ANKRD33B: variants seen among roughly 807,000 people sequenced by gnomAD.
The protein encoded by ANKRD33B is ankyrin repeat domain 33B.
Under a neutral mutation model 21.5 loss-of-function variants are expected in ANKRD33B, and 6 were observed. The observed-to-expected ratio is 0.28, with a 90% CI of 0.15 to 0.55. ANKRD33B has a LOEUF of 0.55. ANKRD33B is among the 20% of genes least tolerant of loss of function. The pLI, the probability that ANKRD33B is intolerant of heterozygous loss-of-function variation, is 0.94. For missense variants in ANKRD33B, 698 were observed against 747.2 expected (o/e 0.93, Z 0.77); for synonymous variants, 347 against 342.4 (o/e 1.01, Z -0.15).
chr5:10,582,089 C>G (rs1349073159), intron 1 of ANKRD33B, among the ~76,000 whole-genome samples: 1 of 152,204 alleles, frequency 6.6e-6, no homozygotes, highest in Non-Finnish European at 1.5e-5. Flanking sequence ...GTTCCTCTTG[C>G]CAGTCTTCCC....
In ANKRD33B at chr5:10,624,629, A is replaced by G. The variant is rs978842708; in HGVS notation, c.496+6167A>G. The G allele has an allele frequency of 7.3e-6, 3 of 409,834 alleles. No homozygotes were observed. The Admixed American group carries it at 8.3e-5, about 11-fold the overall frequency. 25.4% of individuals were successfully genotyped at this position (409,834 alleles called of 1,614,324 possible). On this transcript the variant is annotated intron_variant, in intron 2 of 3. Coordinates refer to ENST00000296657, the MANE Select transcript of ANKRD33B (RefSeq NM_001164440.2). ...GCAGAGGGGAGAGGGACTTTACACC[A>G]TTTAAACAAACACAGATTAAAAAGC... is the stretch of plus-strand genomic sequence containing the variant.
chr5:10,593,390 C>T (rs1735740502), intron 1 of ANKRD33B, among the ~76,000 whole-genome samples: 1 of 152,174 alleles, frequency 6.6e-6, no homozygotes, highest in Admixed American at 6.5e-5. Context: ...ACCCCATCTG[C>T]AATGACAGAA....
rs1390953651 is a variant in ANKRD33B at position 10,619,599 on chromosome 5, T to A, written c.496+1137T>A. Among the ~76,000 whole-genome samples the A allele has an allele frequency of 6.6e-6, 1 of 152,134 alleles. No homozygotes were observed. Among genetic ancestry groups the A allele is most frequent in the African/African-American group, 2.4e-5 (1 of 41,400 alleles). On this transcript the variant is annotated intron_variant, in intron 2 of 3. Transcript: ENST00000296657. The surrounding 1 kb of genome is among the most constrained non-coding windows in gnomAD (Gnocchi z 4.5). ...ATCAAGACGAATAGAGTGGGGGAAC[T>A]CTTCAAACTTAGAAAGGGCCAGGGG...
chr5:10,585,144 C>G (rs545291225), intron 1 of ANKRD33B, among the ~76,000 whole-genome samples: 1 of 152,314 alleles, frequency 6.6e-6, no homozygotes. Context: ...AGGAAGAAGA[C>G]CCAACTCCAG....
Position 10,650,941 on chromosome 5 carries a change from C to A in ANKRD33B, c.*828C>A, listed in dbSNP as rs975329710. 1.9e-4 allele frequency: 29 copies of A among 152,412 alleles called. No individual in the cohort carries two copies. Among genetic ancestry groups the A allele is most frequent in the African/African-American group, 6.7e-4 (28 of 41,566 alleles). 9.4% of individuals were successfully genotyped at this position (152,412 alleles called of 1,614,324 possible). A position where few individuals can be genotyped will look rare whatever the true frequency, so the allele number is the denominator to read the frequency against. On this transcript the variant is annotated 3_prime_UTR_variant, in exon 4 of 4. Coordinates refer to ENST00000296657, the MANE Select transcript of ANKRD33B (RefSeq NM_001164440.2). ...ATTAAAAATAGATATGAGAAAAAAA[C>A]TGTCATTCGATAAAATGAGGCAAAT...
chr5:10,603,260 T>TA (rs201962106), intron 1 of ANKRD33B, among the ~76,000 whole-genome samples: 4 of 151,510 alleles, frequency 2.6e-5, no homozygotes, highest in South Asian at 2.1e-4. Flanking sequence ...TTTTCATCCT[T>TA]AAAAAAAATT....
chr5:10,649,247 T>G lies in ANKRD33B; in HGVS notation c.638-19T>G. On this transcript the variant is annotated intron_variant, in intron 3 of 3. Coordinates refer to ENST00000296657, the MANE Select transcript of ANKRD33B (RefSeq NM_001164440.2). ...CTTGTTGCCGCCACCCACTTCTGTT[T>G]GTGTTTTGCGTTTTGCAGGGGCGGA... 6.6e-7 allele frequency: 1 copy of G among 1,506,574 alleles called. No homozygotes were observed. Among genetic ancestry groups the G allele is most frequent in the Non-Finnish European group, 8.9e-7 (1 of 1,127,258 alleles). 93.3% of individuals were successfully genotyped at this position (1,506,574 alleles called of 1,614,324 possible).
In ANKRD33B at chr5:10,564,299, C is replaced by CT. The variant is rs1458719905; in HGVS notation, c.-163dup. ...CAGGGGCTCGCTCAGCCTCCGGAGA[C>CT]TTTTTTCTTTGAGCGCAGCCGCCTG... On this transcript the variant is annotated 5_prime_UTR_variant, in exon 1 of 4. Coordinates refer to ENST00000296657, the MANE Select transcript of ANKRD33B (RefSeq NM_001164440.2). 2 of 339,240 alleles carry CT rather than the reference C, an allele frequency of 5.9e-6. No individual in the cohort carries two copies. Among genetic ancestry groups the CT allele is most frequent in the African/African-American group, 4.5e-5 (2 of 44,844 alleles). The allele number at this position is 339,240 out of a possible 1,614,324, so 21.0% of individuals were successfully genotyped here.
chr5:10,636,028 G>A (rs1036734834), intron 2 of ANKRD33B, among the ~76,000 whole-genome samples: 5 of 152,190 alleles, frequency 3.3e-5, no homozygotes, highest in African/African-American at 4.8e-5. Flanking sequence ...ATGCCTGCCC[G>A]ACCCCAGAGT....
At chr5:10,598,177 C>A (rs184108347) in intron 1 of ANKRD33B, among the ~76,000 whole-genome samples, 72 of 152,292 alleles carry the variant, frequency 4.7e-4, no homozygotes, top group Admixed American at 1.4e-3. Context: ...CCTAGTGACT[C>A]CTAGGAGACT....
At chr5:10,607,097 C>T (rs1736061852) in intron 1 of ANKRD33B, among the ~76,000 whole-genome samples, 1 of 152,090 alleles carries the variant, frequency 6.6e-6, no homozygotes, top group Non-Finnish European at 1.5e-5. Flanking sequence ...AAGGACAGTT[C>T]TTCCCAAGGG....
intron 1 of ANKRD33B, among the ~76,000 whole-genome samples, chr5:10,568,071 A>G (rs1735098203): frequency 6.6e-6 from 1 of 152,162 alleles, no homozygotes; most frequent in African/African-American, 2.4e-5. Context: ...TAAGGGTCAG[A>G]TGTGTTTTGT....
intron 1 of ANKRD33B, among the ~76,000 whole-genome samples, chr5:10,597,706 T>A (rs1401656108): frequency 1.3e-5 from 2 of 152,106 alleles, no homozygotes; most frequent in African/African-American, 4.8e-5. Flanking sequence ...TCTCCAGGAC[T>A]CTCCACCCTA....
chr5:10,588,222 G>T (rs1735610408), intron 1 of ANKRD33B, among the ~76,000 whole-genome samples: 1 of 152,156 alleles, frequency 6.6e-6, no homozygotes, highest in Admixed American at 6.5e-5. Context: ...ATGTATTTGA[G>T]GTATAACTTT....
chr5:10,627,089 C>T (rs996935729), intron 2 of ANKRD33B, among the ~76,000 whole-genome samples: 3 of 152,118 alleles, frequency 2.0e-5, no homozygotes, highest in Non-Finnish European at 4.4e-5. Flanking sequence ...CTATTTAATG[C>T]ACAATAAAAA....
intron 1 of ANKRD33B, among the ~76,000 whole-genome samples, chr5:10,582,011 C>G (rs1735454088): frequency 6.6e-6 from 1 of 152,238 alleles, no homozygotes; most frequent in Non-Finnish European, 1.5e-5. Context: ...GCTCACGCAG[C>G]TGGTGCCAGC....
chr5:10,591,808 AT>A (rs1448072069), intron 1 of ANKRD33B, among the ~76,000 whole-genome samples: 1 of 97,036 alleles, frequency 1.0e-5, no homozygotes, highest in Non-Finnish European at 2.5e-5. Flanking sequence ...TCAATATAAT[AT>A]TTCTGTTTAA....
In ANKRD33B at chr5:10,653,778, T is replaced by A. The variant is rs531646126; in HGVS notation, c.*3665T>A. On this transcript the variant is annotated 3_prime_UTR_variant, in exon 4 of 4. Transcript: ENST00000296657. ...TAGTCAGGGGTCTCACAGTGGCCTC[T>A]CCAAAAGCCTGGTGTCCTTGGAGAA... The A allele has an allele frequency of 7.2e-5, 11 of 152,578 alleles. No individual in the cohort carries two copies. In the East Asian group the frequency reaches 1.5e-3, roughly 21 times the overall value. The allele number at this position is 152,578 out of a possible 1,614,324, so 9.5% of individuals were successfully genotyped here. A position where few individuals can be genotyped will look rare whatever the true frequency, so the allele number is the denominator to read the frequency against.
At chr5:10,635,925 G>A (rs760522071) in intron 2 of ANKRD33B, among the ~76,000 whole-genome samples, 16 of 152,262 alleles carry the variant, frequency 1.1e-4, no homozygotes, top group African/African-American at 1.7e-4. Flanking sequence ...GATCTCAGCC[G>A]CAGCGGGGAA....
Sources: allele counts gnomAD v4.1 joint callset (sites outside exome capture counted in the v4.1 genomes callset), GRCh38; gene constraint gnomAD v4.1.1; non-coding constraint Gnocchi (gnomAD v3.1); transcripts MANE v1.5; gene names NCBI Gene and HGNC (gene_info 2026-07-23, HGNC 2026-07-21).